The following PPME1 variants were observed in gnomAD, a reference collection of about 807,000 sequenced individuals.
PPME1 encodes the protein protein phosphatase methylesterase 1.
A neutral mutation model predicts 56.9 loss-of-function variants in PPME1; 17 were observed. The ratio of observed to expected loss-of-function variants is 0.30; its 90% CI spans 0.20 to 0.45. PPME1 has a LOEUF of 0.45. Among genes scored for constraint, PPME1 ranks in the 20% least tolerant of loss-of-function variants. PPME1 has a pLI of 1.00. For synonymous variants in PPME1, 122 were observed against 156.2 expected (o/e 0.78, Z 1.63); for missense variants, 357 against 483.2 (o/e 0.74, Z 2.45).
chr11:74,220,820 T>G (rs747640605), intron 3 of PPME1, among the ~76,000 whole-genome samples: 4 of 152,204 alleles, frequency 2.6e-5, no homozygotes, highest in Non-Finnish European at 4.4e-5. Context: ...ATTTCAGAAG[T>G]AGCAAAGTTG....
At chr11:74,251,524 C>T in intron 12 of PPME1, 124 bp from the exon 13 acceptor site, 40 of 1,479,568 alleles carry the variant, frequency 2.7e-5, no homozygotes, top group Non-Finnish European at 3.6e-5. Flanking sequence ...TAATTTCAAG[C>T]CACTCAGACC....
intron 1 of PPME1, among the ~76,000 whole-genome samples, chr11:74,187,798 C>A (rs999269629): frequency 1.3e-5 from 2 of 152,126 alleles, no homozygotes; most frequent in African/African-American, 2.4e-5. Context: ...ATCCCTGGAA[C>A]CTGTGAATAT....
intron 5 of PPME1, 133 bp downstream of exon 5, chr11:74,225,389 C>T (rs1858909018): frequency 1.5e-5 from 9 of 605,734 alleles, no homozygotes; most frequent in East Asian, 3.0e-5. Context: ...TCTGTTCTCT[C>T]TCCTCTACTT....
At chr11:74,183,030 C>G (rs1324289492) in intron 1 of PPME1, among the ~76,000 whole-genome samples, 2 of 149,902 alleles carry the variant, frequency 1.3e-5, no homozygotes, top group Non-Finnish European at 3.0e-5. Flanking sequence ...GGTGCAGTGG[C>G]TCACGCTTGT....
chr11:74,247,197 TAGTG>T, intron 11 of PPME1, 74 bp downstream of exon 11: 1 of 1,327,424 alleles, frequency 7.5e-7, no homozygotes, highest in Non-Finnish European at 1.1e-6. Flanking sequence ...CATCCTGAGA[TAGTG>T]AGGTATAACG....
chr11:74,250,770 G>T, intron 11 of PPME1, 184 bp from the exon 12 acceptor site: 1 of 580,144 alleles, frequency 1.7e-6, no homozygotes. Context: ...GAAGGGAAAT[G>T]ATTGGCGCAA....
At chr11:74,197,514 T>C (rs1322165482) in intron 1 of PPME1, among the ~76,000 whole-genome samples, 1 of 152,224 alleles carries the variant, frequency 6.6e-6, no homozygotes, top group Non-Finnish European at 1.5e-5. Context: ...AAGGGCATCT[T>C]TGATCCTCAT....
At chr11:74,172,261 T>C (rs1857272182) in intron 1 of PPME1, among the ~76,000 whole-genome samples, 1 of 150,440 alleles carries the variant, frequency 6.6e-6, no homozygotes, top group Admixed American at 6.6e-5. Flanking sequence ...AGGAGAGGAC[T>C]GAAGAATTTA....
intron 1 of PPME1, among the ~76,000 whole-genome samples, chr11:74,178,827 C>T (rs1356136869): frequency 2.0e-5 from 3 of 151,880 alleles, no homozygotes; most frequent in African/African-American, 4.8e-5. Context: ...CCTAATGAGC[C>T]TTCCATGTTA....
At chr11:74,232,724 G>C (rs1039706266) in intron 7 of PPME1, among the ~76,000 whole-genome samples, 1 of 146,806 alleles carries the variant, frequency 6.8e-6, no homozygotes, top group Non-Finnish European at 1.5e-5. Context: ...TGCCCAGGCT[G>C]TGGAGTCCAG....
rs17244761 is a variant in PPME1, at chr11:74,181,378, C to T, written c.101+9856C>T. 7.8e-3 allele frequency among the ~76,000 whole-genome samples: 1,186 copies of T among 152,312 alleles called. 10 individuals carry two copies. The highest frequency in any genetic ancestry group is 0.012 in the Non-Finnish European group (841 of 68,016). On this transcript the variant is annotated intron_variant, in intron 1 of 13. Coordinates refer to ENST00000328257, the MANE Select transcript of PPME1 (RefSeq NM_016147.3). ...TTTCAACTCCTATCCATCTTTAAAA[C>T]TCATGAAGCACTTTCAGACTACTTT... is the stretch of plus-strand genomic sequence containing the variant.
At chr11:74,198,061 AT>A (rs1858037989) in intron 1 of PPME1, among the ~76,000 whole-genome samples, 1 of 152,212 alleles carries the variant, frequency 6.6e-6, no homozygotes, top group Non-Finnish European at 1.5e-5. Flanking sequence ...TAGGTTTGAA[AT>A]AAATTGTATT....
At chr11:74,186,053 G>A (rs1185217513) in intron 1 of PPME1, among the ~76,000 whole-genome samples, 5 of 152,136 alleles carry the variant, frequency 3.3e-5, no homozygotes, top group Admixed American at 3.3e-4. Flanking sequence ...TGGATTCCAC[G>A]ATGCTCAACA....
chr11:74,251,842 T>C, intron 13 of PPME1, 127 bp downstream of exon 13: 2 of 1,174,276 alleles, frequency 1.7e-6, no homozygotes, highest in Non-Finnish European at 2.5e-6. Context: ...TTCTTCCTCC[T>C]CCTCAGTGAA....
intron 9 of PPME1, among the ~76,000 whole-genome samples, chr11:74,245,385 GTTTCAAATA>G (rs1859477411): frequency 6.6e-6 from 1 of 151,834 alleles, no homozygotes; most frequent in African/African-American, 2.4e-5. Flanking sequence ...CAATTATAAT[GTTTCAAATA>G]TTTCAATGGT....
At chr11:74,185,346 G>A (rs901255551) in intron 1 of PPME1, among the ~76,000 whole-genome samples, 12 of 152,086 alleles carry the variant, frequency 7.9e-5, no homozygotes, top group Non-Finnish European at 1.2e-4. Flanking sequence ...GATGAGTCTG[G>A]GGAGGGGATC....
intron 1 of PPME1, among the ~76,000 whole-genome samples, chr11:74,177,825 T>C (rs1857438001): frequency 6.6e-6 from 1 of 152,224 alleles, no homozygotes; most frequent in Non-Finnish European, 1.5e-5. Context: ...ATGAATCCCT[T>C]TTGAAGGAAA....
intron 13 of PPME1, 55 bp from the exon 14 acceptor site, chr11:74,253,437 G>A (rs1391266966): frequency 6.4e-7 from 1 of 1,553,792 alleles, no homozygotes; most frequent in African/African-American, 1.4e-5. Context: ...AGATAAGCAA[G>A]GGAAAGCTAT....
chr11:74,213,071 A>T (rs1017049386), intron 3 of PPME1, among the ~76,000 whole-genome samples: 3 of 152,148 alleles, frequency 2.0e-5, no homozygotes, highest in African/African-American at 7.2e-5. Context: ...CTTGGACAGC[A>T]TTTCTGGACC....
Sources: gnomAD v4.1 joint callset for allele counts (sites outside exome capture counted in the v4.1 genomes callset) on GRCh38, gnomAD v4.1.1 for gene constraint, MANE v1.5 for transcripts, NCBI Gene and HGNC (gene_info 2026-07-23, HGNC 2026-07-21) for gene names.